The following KIF18A variants were observed in gnomAD, a reference collection of about 807,000 sequenced individuals.
KIF18A encodes kinesin family member 18A.
A neutral mutation model predicts 103.3 loss-of-function variants in KIF18A; 67 were observed. The observed-to-expected ratio is 0.65, with a 90% CI of 0.53 to 0.79. The LOEUF (loss-of-function observed/expected upper bound fraction) is 0.79, where lower values mean the gene tolerates loss of function less well. KIF18A is among the 30% of genes least tolerant of loss of function. The pLI is 0.00. For missense variants in KIF18A, 1,032 were observed against 1,062.5 expected (o/e 0.97, Z 0.40); for synonymous variants, 367 against 355.5 (o/e 1.03, Z -0.36).
chr11:28,054,681 G>C (rs1353749794), intron 13 of KIF18A, among the ~76,000 whole-genome samples: 1 of 151,998 alleles, frequency 6.6e-6, no homozygotes, highest in Non-Finnish European at 1.5e-5. Flanking sequence ...TCATGAAATG[G>C]AAAATACATA....
intron 1 of KIF18A, among the ~76,000 whole-genome samples, chr11:28,106,704 C>T (rs979882184): frequency 1.3e-5 from 2 of 152,068 alleles, no homozygotes; most frequent in African/African-American, 4.8e-5. Flanking sequence ...GGTGCCCTGC[C>T]TCACACCTGT....
chr11:28,076,517 T>C (rs1298684158), intron 10 of KIF18A: 5 of 152,206 alleles, frequency 3.3e-5, no homozygotes, highest in African/African-American at 9.7e-5. Context: ...GAATTAAAAT[T>C]TCTTTCTTGT....
Position 28,036,541 on chromosome 11 carries a change from T to C in KIF18A, c.2072A>G (p.Gln691Arg), listed in dbSNP as rs764366000. The C allele has an allele frequency of 1.2e-6, 2 of 1,611,238 alleles. No homozygotes were observed. Among genetic ancestry groups the C allele is most frequent in the Non-Finnish European group, 1.7e-6 (2 of 1,178,202 alleles). The change falls in exon 14 of 17, where the codon CAG becomes CGG. Residue 691 changes from glutamine (Q) to arginine (R), a missense_variant. Physicochemically the swap from Gln to Arg is conservative, Grantham distance 43 (BLOSUM62 1). Transcript: ENST00000263181. ...TLKSPPSQSV[Q>R]LNDSLSKELQ... ...TTCTTTGCTAAGAGAATCATTGAGCTGCACACTTTGAGATGGTGGAGACTT... is the reference window on the plus strand; with the variant it reads ...TTCTTTGCTAAGAGAATCATTGAGCCGCACACTTTGAGATGGTGGAGACTT...
Position 28,082,847 on chromosome 11 carries a change from A to C in KIF18A, c.1262+9T>G. 6.7e-7 allele frequency: 1 copy of C among 1,486,082 alleles called. No individual in the cohort carries two copies. The highest frequency in any genetic ancestry group is 9.2e-7 in the Non-Finnish European group (1 of 1,081,442). The allele number at this position is 1,486,082 out of a possible 1,614,324, so 92.1% of individuals were successfully genotyped here. ...ATTCCTCAAAATTAGATCTTAATGT[A>C]ATGTTTACCTTTCGATTTCTTTTTC... On this transcript the variant is annotated intron_variant, in intron 9 of 16. Coordinates refer to ENST00000263181, the MANE Select transcript of KIF18A (RefSeq NM_031217.4).
intron 15 of KIF18A, among the ~76,000 whole-genome samples, chr11:28,027,402 T>C (rs1005354774): frequency 6.6e-6 from 1 of 151,878 alleles, no homozygotes; most frequent in Non-Finnish European, 1.5e-5. Context: ...TCTCTTTATA[T>C]TAACCCGGCT....
intron 13 of KIF18A, among the ~76,000 whole-genome samples, chr11:28,055,317 T>C (rs1381455944): frequency 1.3e-5 from 2 of 152,148 alleles, no homozygotes; most frequent in Admixed American, 6.5e-5. Flanking sequence ...GGACAAAATA[T>C]AAAAAACATC....
intron 13 of KIF18A, chr11:28,057,011 G>A: frequency 3.6e-6 from 1 of 275,318 alleles, no homozygotes; most frequent in Non-Finnish European, 7.0e-6. Flanking sequence ...CCAATAAATT[G>A]ATCAATTATT....
At chr11:28,041,333 T>G (rs945229732) in intron 13 of KIF18A, among the ~76,000 whole-genome samples, 1 of 151,796 alleles carries the variant, frequency 6.6e-6, no homozygotes, top group East Asian at 1.9e-4. Context: ...GGATGGAATA[T>G]GTGATCTGAG....
chr11:28,070,720 C>T (rs778800663), intron 10 of KIF18A, among the ~76,000 whole-genome samples: 1 of 152,196 alleles, frequency 6.6e-6, no homozygotes, highest in Non-Finnish European at 1.5e-5. Flanking sequence ...AAACTGACCA[C>T]AGCGCTAGGA....
chr11:28,060,838 C>T (rs1850848017), intron 12 of KIF18A, among the ~76,000 whole-genome samples: 3 of 152,178 alleles, frequency 2.0e-5, no homozygotes, highest in African/African-American at 7.2e-5. Flanking sequence ...CAATAAAAAC[C>T]TGGGACATGG....
intron 15 of KIF18A, among the ~76,000 whole-genome samples, chr11:28,026,402 T>C (rs1368355750): frequency 6.6e-6 from 1 of 151,750 alleles, no homozygotes; most frequent in African/African-American, 2.4e-5. Context: ...GTAACTTTAA[T>C]TGGGGAAAAA....
rs747733760 is a variant in KIF18A, at chr11:28,069,392, A to G, written c.1457T>C (p.Met486Thr). ...CAGGTAGGAGCGACGAGTTTTCAAC[A>G]TTGCAAGTCTATGATCTCGTTTTCC... The part of the protein sequence containing the change: ...ATGKRDHRLA[M>T]LKTRRSYLEK... The change falls in exon 11 of 17, where the codon ATG becomes ACG. Residue 486 changes from methionine to threonine, a missense_variant. By Grantham distance (81) the Met-to-Thr change is moderately conservative (BLOSUM62 -1). Transcript: ENST00000263181. 1.2e-6 allele frequency: 2 copies of G among 1,613,530 alleles called. No homozygotes were observed. The highest frequency in any genetic ancestry group is 2.2e-5 in the East Asian group (1 of 44,834).
intron 13 of KIF18A, among the ~76,000 whole-genome samples, chr11:28,047,691 A>G (rs1850655286): frequency 6.6e-6 from 1 of 152,164 alleles, no homozygotes; most frequent in Non-Finnish European, 1.5e-5. Context: ...TGCAAGTAAT[A>G]CAGAGTAATA....
At chr11:28,059,990 TA>T (rs1433668189) in intron 12 of KIF18A, among the ~76,000 whole-genome samples, 1 of 152,134 alleles carries the variant, frequency 6.6e-6, no homozygotes. Flanking sequence ...AAAGGGATTT[TA>T]AGGAGAAAAG....
intron 11 of KIF18A, among the ~76,000 whole-genome samples, chr11:28,066,022 C>A (rs991297437): frequency 6.6e-6 from 1 of 151,796 alleles, no homozygotes; most frequent in Non-Finnish European, 1.5e-5. Context: ...AAAATTTTTG[C>A]CAACTATAAG....
chr11:28,075,087 G>A (rs550757985), intron 10 of KIF18A, among the ~76,000 whole-genome samples: 1 of 152,094 alleles, frequency 6.6e-6, no homozygotes, highest in East Asian at 1.9e-4. Flanking sequence ...ACAAATTTTT[G>A]CATATTGCTC....
intron 15 of KIF18A, among the ~76,000 whole-genome samples, chr11:28,031,901 AAAAG>A (rs1179499907): frequency 1.3e-5 from 2 of 151,896 alleles, no homozygotes; most frequent in Non-Finnish European, 2.9e-5. Flanking sequence ...CAAGAGAAAG[AAAAG>A]AAAGAAAGAA....
chr11:28,062,284 A>C (rs980316038), intron 12 of KIF18A, 111 bp downstream of exon 12: 14 of 920,910 alleles, frequency 1.5e-5, no homozygotes, highest in Non-Finnish European at 2.0e-5. Flanking sequence ...GACACTTAAA[A>C]ATAATGTATC....
At position 28,034,632 on chromosome 11, in the gene KIF18A, G is replaced by C. The variant is rs1200153341; in HGVS notation, c.2504+755C>G. On this transcript the variant is annotated intron_variant, in intron 15 of 16. Coordinates refer to ENST00000263181, the MANE Select transcript of KIF18A (RefSeq NM_031217.4). The stretch of plus-strand genomic sequence containing the variant: ...TCTCATTCCACAAAGCTGAGAACTT[G>C]GCGAATACCTTGAGGACAAAACCTG... Among the ~76,000 whole-genome samples, 4 of 151,796 alleles carry C rather than the reference G, an allele frequency of 2.6e-5. No homozygotes were observed. The East Asian group carries it at 7.8e-4, about 30-fold the overall frequency.
Sources: gnomAD v4.1 joint callset for allele counts (sites outside exome capture counted in the v4.1 genomes callset) on GRCh38, gnomAD v4.1.1 for gene constraint, MANE v1.5 for transcripts, NCBI Gene and HGNC (gene_info 2026-07-23, HGNC 2026-07-21) for gene names.